TMEM117: variants seen among roughly 807,000 people sequenced by gnomAD.
The protein encoded by TMEM117 is transmembrane protein 117.
TMEM117 carries 27 observed loss-of-function variants against 52.4 expected under a neutral mutation model. The observed-to-expected ratio is 0.51, with a 90% CI of 0.38 to 0.71. TMEM117 has a LOEUF of 0.71. Among genes scored for constraint, TMEM117 ranks in the 30% least tolerant of loss-of-function variants. The probability of loss-of-function intolerance (pLI) is 0.00; values close to 1 mark genes in which losing one functional copy is unlikely to be tolerated. For missense variants in TMEM117, 556 were observed against 630.5 expected (o/e 0.88, Z 1.26); for synonymous variants, 215 against 206.3 (o/e 1.04, Z -0.36).
intron 1 of TMEM117, among the ~76,000 whole-genome samples, chr12:43,843,932 A>G (rs543600126): frequency 6.6e-5 from 10 of 152,264 alleles, no homozygotes; most frequent in Non-Finnish European, 1.3e-4. Flanking sequence ...CACCAAATTC[A>G]TAAGCAATCA....
chr12:43,908,246 AAGCT>A lies in TMEM117; in HGVS notation c.278-35963_278-35960del, dbSNP rs541877323. Among the ~76,000 whole-genome samples the A allele has an allele frequency of 3.3e-3, 243 of 73,562 alleles. 2 individuals carry two copies. Among genetic ancestry groups the A allele is most frequent in the African/African-American group, 6.9e-3 (232 of 33,562 alleles). The allele number at this position is 73,562 out of a possible 152,430, so 48.3% of individuals were successfully genotyped here. Reference sequence around the variant, plus strand: ...CCAGAATTTCATATCCAGCCAAACTAAGCTTCATAAGTGAAGGAGAAATAAAATC... The same window carrying A: ...CCAGAATTTCATATCCAGCCAAACTATCATAAGTGAAGGAGAAATAAAATC... On this transcript the variant is annotated intron_variant, in intron 2 of 7. Coordinates refer to ENST00000266534, the MANE Select transcript of TMEM117 (RefSeq NM_032256.3).
chr12:43,898,217 C>T (rs1944243523), intron 2 of TMEM117, among the ~76,000 whole-genome samples: 1 of 152,070 alleles, frequency 6.6e-6, no homozygotes, highest in Non-Finnish European at 1.5e-5. Context: ...CTTCTTCACT[C>T]TTAATCCTAT....
intron 3 of TMEM117, among the ~76,000 whole-genome samples, chr12:43,956,233 C>T (rs1386220218): frequency 6.6e-6 from 1 of 152,104 alleles, no homozygotes; most frequent in Non-Finnish European, 1.5e-5. Flanking sequence ...TAGGCATGGG[C>T]AAAGACTTTA....
intron 4 of TMEM117, among the ~76,000 whole-genome samples, chr12:44,149,957 A>T (rs1056268528): frequency 1.3e-5 from 2 of 152,218 alleles, no homozygotes; most frequent in Admixed American, 6.5e-5. Flanking sequence ...GGACACATGT[A>T]TATGAGAAAT....
rs1948410955 is a variant in TMEM117, at chr12:44,131,374, T to G, written c.411-12151T>G. On this transcript the variant is annotated intron_variant, in intron 3 of 7. Transcript: ENST00000266534. ...TATCCTATGTATAATTTAGTCATTTTAATTTTTTTGAGACTTGTTTATGGC... is the reference window on the plus strand; with the variant it reads ...TATCCTATGTATAATTTAGTCATTTGAATTTTTTTGAGACTTGTTTATGGC... Among the ~76,000 whole-genome samples, 3 of 152,294 alleles carry G rather than the reference T, an allele frequency of 2.0e-5. No homozygotes were observed. The South Asian group carries it at 6.2e-4, about 32-fold the overall frequency.
chr12:43,874,425 A>AC (rs1449384257), intron 2 of TMEM117, among the ~76,000 whole-genome samples: 2 of 69,502 alleles, frequency 2.9e-5, no homozygotes, highest in Non-Finnish European at 8.2e-5. Flanking sequence ...TACTAAAAGT[A>AC]CAAAAAAAAA....
Position 43,912,315 on chromosome 12 carries a change from G to A in TMEM117, c.278-31895G>A, listed in dbSNP as rs1232761370. ...TGAACAATGAGAACACATGGACACA[G>A]GAAGGGGAACATCACGCTCTGGGGA... On this transcript the variant is annotated intron_variant, in intron 2 of 7. Transcript: ENST00000266534. 3.4e-5 allele frequency among the ~76,000 whole-genome samples: 5 copies of A among 147,726 alleles called. No homozygotes were observed. In the Admixed American group the frequency reaches 3.4e-4, roughly 10 times the overall value.
intron 3 of TMEM117, among the ~76,000 whole-genome samples, chr12:43,989,878 G>A (rs1592419709): frequency 6.6e-6 from 1 of 152,126 alleles, no homozygotes; most frequent in African/African-American, 2.4e-5. Context: ...TGGATCAGTG[G>A]CATTTTCTGA....
intron 3 of TMEM117, among the ~76,000 whole-genome samples, chr12:43,963,461 T>C (rs1412946651): frequency 1.3e-5 from 2 of 152,180 alleles, no homozygotes; most frequent in African/African-American, 2.4e-5. Flanking sequence ...CAACATTTCA[T>C]AGAATAGATC....
intron 3 of TMEM117, among the ~76,000 whole-genome samples, chr12:43,977,487 T>A (rs1358493403): frequency 1.3e-5 from 2 of 152,196 alleles, no homozygotes; most frequent in African/African-American, 2.4e-5. Flanking sequence ...CATACATTAC[T>A]GTTTACATCT....
At chr12:43,805,519 A>C in the TMEM117 span, 1 of 456,182 alleles carries the variant, frequency 2.2e-6, no homozygotes, top group Non-Finnish European at 4.4e-6. Flanking sequence ...TGATGAGGTG[A>C]GTACCTGCAG....
At chr12:43,841,082 T>C (rs1389583226) in intron 1 of TMEM117, among the ~76,000 whole-genome samples, 1 of 152,198 alleles carries the variant, frequency 6.6e-6, no homozygotes, top group African/African-American at 2.4e-5. Flanking sequence ...CAAATTATTA[T>C]GTAAGGGTTT....
At chr12:43,980,489 C>G (rs182137331) in intron 3 of TMEM117, among the ~76,000 whole-genome samples, 20 of 152,270 alleles carry the variant, frequency 1.3e-4, no homozygotes, top group Admixed American at 1.3e-3. Flanking sequence ...TAGCTTTAAG[C>G]AGCTGCTTCA....
At chr12:43,842,934 A>C (rs1219386474) in intron 1 of TMEM117, among the ~76,000 whole-genome samples, 1 of 152,160 alleles carries the variant, frequency 6.6e-6, no homozygotes, top group Non-Finnish European at 1.5e-5. Context: ...GAGAATGGTG[A>C]TCAGCACCTG....
intron 3 of TMEM117, among the ~76,000 whole-genome samples, chr12:44,054,987 C>T (rs561254351): frequency 9.9e-5 from 15 of 152,018 alleles, no homozygotes; most frequent in Non-Finnish European, 1.2e-4. Context: ...AGACTAGCCA[C>T]GGCCATAAAC....
intron 3 of TMEM117, among the ~76,000 whole-genome samples, chr12:44,048,314 A>G (rs2137917146): frequency 6.6e-6 from 1 of 152,068 alleles, no homozygotes; most frequent in African/African-American, 2.4e-5. Flanking sequence ...AGCTTCATTG[A>G]TCCTTTCTAA....
At chr12:44,079,682 C>CA (rs1340059076) in intron 3 of TMEM117, among the ~76,000 whole-genome samples, 1 of 151,352 alleles carries the variant, frequency 6.6e-6, no homozygotes, top group Non-Finnish European at 1.5e-5. Context: ...GGAAGCAAAC[C>CA]AAAAAATTGT....
intron 6 of TMEM117, among the ~76,000 whole-genome samples, chr12:44,340,966 A>C (rs771949779): frequency 6.6e-6 from 1 of 151,946 alleles, no homozygotes; most frequent in Non-Finnish European, 1.5e-5. Context: ...CACCCTTCCA[A>C]GTCTTCATTG....
intron 3 of TMEM117, among the ~76,000 whole-genome samples, chr12:43,995,964 A>G (rs1946023365): frequency 6.6e-6 from 1 of 152,206 alleles, no homozygotes; most frequent in South Asian, 2.1e-4. Context: ...AGCTTGTAGA[A>G]CTTTGTCTCA....
Sources: allele counts gnomAD v4.1 joint callset (sites outside exome capture counted in the v4.1 genomes callset), GRCh38; gene constraint gnomAD v4.1.1; transcripts MANE v1.5; gene names NCBI Gene and HGNC (gene_info 2026-07-23, HGNC 2026-07-21).